ATP2B4: variants seen among roughly 807,000 people sequenced by gnomAD.
The protein encoded by ATP2B4 is ATPase plasma membrane Ca2+ transporting 4, also known as plasma membrane calcium-transporting ATPase 4.
Under a neutral mutation model 110.3 loss-of-function variants are expected in ATP2B4, and 39 were observed. The observed-to-expected ratio is 0.35, with a 90% CI of 0.27 to 0.46. The LOEUF is 0.46. Ranked by LOEUF, ATP2B4 falls within the 20% of genes least tolerant of loss-of-function variation. ATP2B4 has a pLI of 1.00. For missense variants in ATP2B4, 1,135 were observed against 1,530.9 expected (o/e 0.74, Z 4.32); for synonymous variants, 538 against 571.7 (o/e 0.94, Z 0.84).
At chr1:203,696,483 A>G (rs1286937053) in intron 2 of ATP2B4, among the ~76,000 whole-genome samples, 2 of 152,096 alleles carry the variant, frequency 1.3e-5, no homozygotes, top group African/African-American at 2.4e-5. Flanking sequence ...CCTTTTTTCA[A>G]GACAAAAGTC....
intron 2 of ATP2B4, among the ~76,000 whole-genome samples, chr1:203,684,738 A>G (rs1281514234): frequency 6.6e-6 from 1 of 152,190 alleles, no homozygotes; most frequent in South Asian, 2.1e-4. Context: ...TGTACCCATC[A>G]TATCTTTGGA....
In ATP2B4 at chr1:203,629,870, T is replaced by TGGC. The variant is rs1571656701; in HGVS notation, c.-465+2652_-465+2653insGCG. Among the ~76,000 whole-genome samples the TGGC allele has an allele frequency of 6.6e-6, 1 of 152,058 alleles. No homozygotes were observed. The highest frequency in any genetic ancestry group is 1.9e-4 in the East Asian group (1 of 5,172). On this transcript the variant is annotated intron_variant, in intron 1 of 20. Coordinates refer to ENST00000357681, the MANE Select transcript of ATP2B4 (RefSeq NM_001684.5). The surrounding 1 kb of genome is among the most constrained non-coding windows in gnomAD (Gnocchi z 4.6). ...CCAGCGCCCAGCACGGAGCCTGGGA[T>TGGC]GTTAGAGCGCTGGGTCAAGGCATGT...
chr1:203,681,411 G>A (rs1665005628), intron 1 of ATP2B4, among the ~76,000 whole-genome samples: 1 of 152,172 alleles, frequency 6.6e-6, no homozygotes, highest in African/African-American at 2.4e-5. Context: ...AGTAAGTGTG[G>A]CATCTATTTA....
chr1:203,650,657 C>T (rs1469571354), intron 1 of ATP2B4, among the ~76,000 whole-genome samples: 1 of 152,068 alleles, frequency 6.6e-6, no homozygotes, highest in Non-Finnish European at 1.5e-5. Context: ...CGAGGGCGGG[C>T]GGGGAGCGGG....
At chr1:203,736,237 G>A (rs1409497890) in intron 20 of ATP2B4, among the ~76,000 whole-genome samples, 1 of 152,204 alleles carries the variant, frequency 6.6e-6, no homozygotes, top group Admixed American at 6.5e-5. Flanking sequence ...GGCCGAGGCA[G>A]GTGGATTACT....
At chr1:203,704,467 CTTTTTTTTTTTT>C (rs35019828) in intron 8 of ATP2B4, among the ~76,000 whole-genome samples, 21,614 of 68,032 alleles carry the variant, frequency 0.32, 1,851 homozygotes, top group Middle Eastern at 0.44. Flanking sequence ...AAGGAACAGT[CTTTTTTTTTTTT>C]TTTTTTTTTT....
At chr1:203,739,502 C>T (rs373980564) in intron 20 of ATP2B4, 44 bp from the exon 21 acceptor site, 10 of 1,569,862 alleles carry the variant, frequency 6.4e-6, no homozygotes, top group Middle Eastern at 1.7e-4. Flanking sequence ...GGCCAATTCT[C>T]ACCTCTCTAT....
At chr1:203,698,045 T>G in intron 2 of ATP2B4, 112 bp from the exon 3 acceptor site, 2 of 862,066 alleles carry the variant, frequency 2.3e-6, no homozygotes, top group South Asian at 3.2e-5. Flanking sequence ...CTCTCTCTGT[T>G]GCCCAGGCTA....
intron 1 of ATP2B4, among the ~76,000 whole-genome samples, chr1:203,649,812 G>A (rs533752290): frequency 6.6e-6 from 1 of 152,104 alleles, no homozygotes; most frequent in South Asian, 2.1e-4. Context: ...AAAACCAAGT[G>A]CTGTACTTTA....
In ATP2B4 at chr1:203,739,846, T is replaced by C. The variant is rs765803167; in HGVS notation, c.3610T>C (p.Ser1204Pro). 23 of 1,604,256 alleles carry C rather than the reference T, an allele frequency of 1.4e-5. No homozygotes were observed. In the East Asian group the frequency reaches 4.5e-4, roughly 31 times the overall value. The change falls in exon 21 of 21, where the codon TCA becomes CCA. Residue 1204 changes from serine to proline, a missense_variant. Ser to Pro is a moderately conservative substitution (Grantham distance 74). Coordinates refer to ENST00000357681, the MANE Select transcript of ATP2B4 (RefSeq NM_001684.5). Reference sequence around the variant, plus strand: ...CAGCTCTCTACAGAGCCTAGAGACATCAGTTTGAATTTTCTTTCTCTGACT... The same window carrying C: ...CAGCTCTCTACAGAGCCTAGAGACACCAGTTTGAATTTTCTTTCTCTGACT... Reference protein sequence around the residue: ...SDSSLQSLETSV With the variant: ...SDSSLQSLETPV
chr1:203,656,890 G>T, intron 1 of ATP2B4: 1 of 534,280 alleles, frequency 1.9e-6, no homozygotes, highest in Non-Finnish European at 3.4e-6. Flanking sequence ...ATATATGGCT[G>T]TTTGGTAGAA....
intron 7 of ATP2B4, among the ~76,000 whole-genome samples, chr1:203,703,141 G>A (rs1045859004): frequency 1.9e-4 from 29 of 150,316 alleles, no homozygotes; most frequent in Non-Finnish European, 3.7e-4. Context: ...GGGTCTGGGG[G>A]TATGTGTTTC....
intron 2 of ATP2B4, among the ~76,000 whole-genome samples, chr1:203,686,685 C>CTTTCTTTTTTTTTTTTTTTTT (rs1665193795): frequency 2.3e-5 from 1 of 42,776 alleles, no homozygotes; most frequent in South Asian, 1.4e-3. Context: ...TCTTTTCTTT[C>CTTTCTTTTTTTTTTTTTTTTT]TTTTTTTTTT....
intron 6 of ATP2B4, 40 bp downstream of exon 6, chr1:203,700,963 C>A (rs1665673926): frequency 6.3e-7 from 1 of 1,595,054 alleles, no homozygotes; most frequent in South Asian, 1.1e-5. Flanking sequence ...TCCTCTCATC[C>A]CCATGGACAA....
rs545952096 is a variant in ATP2B4 at position 203,713,463 on chromosome 1, A to T, written c.2299+211A>T. ...AAGTTGTTGGGTTTTTATTTTTTTT[A>T]TTTTTTGTTTTTATTTTTGGAGACC... is the stretch of plus-strand genomic sequence containing the variant. On this transcript the variant is annotated intron_variant, in intron 14 of 20. Coordinates refer to ENST00000357681, the MANE Select transcript of ATP2B4 (RefSeq NM_001684.5). 2.6e-3 allele frequency among the ~76,000 whole-genome samples: 391 copies of T among 150,414 alleles called. 6 individuals carry two copies. The highest frequency in any genetic ancestry group is 9.4e-3 in the African/African-American group (379 of 40,168).
chr1:203,714,339 G>A (rs1487030975), intron 15 of ATP2B4, 62 bp downstream of exon 15: 19 of 1,584,900 alleles, frequency 1.2e-5, no homozygotes, highest in South Asian at 3.3e-5. Context: ...AGCCAGGTCC[G>A]GCTTCTGGTT....
intron 1 of ATP2B4, among the ~76,000 whole-genome samples, chr1:203,634,435 G>A (rs763521593): frequency 6.6e-6 from 1 of 151,570 alleles, no homozygotes; most frequent in African/African-American, 2.4e-5. Flanking sequence ...AGGCTCAAGC[G>A]ATCCTCTTGC....
intron 1 of ATP2B4, among the ~76,000 whole-genome samples, chr1:203,641,837 A>G (rs1253401265): frequency 6.6e-6 from 1 of 152,224 alleles, no homozygotes; most frequent in Non-Finnish European, 1.5e-5. Context: ...GATAAGCTCC[A>G]TGAGAGCAAT....
chr1:203,697,579 A>G (rs551485025), intron 2 of ATP2B4, among the ~76,000 whole-genome samples: 1 of 152,316 alleles, frequency 6.6e-6, no homozygotes, highest in African/African-American at 2.4e-5. Flanking sequence ...CCCATGGCTG[A>G]CTAGTTTCAT....
Sources: gnomAD v4.1 joint callset for allele counts (sites outside exome capture counted in the v4.1 genomes callset) on GRCh38, gnomAD v4.1.1 for gene constraint, Gnocchi (gnomAD v3.1) non-coding constraint, MANE v1.5 for transcripts, NCBI Gene and HGNC (gene_info 2026-07-23, HGNC 2026-07-21) for gene names.